MPPED1: variants seen among roughly 807,000 people sequenced by gnomAD.
MPPED1 encodes the protein metallophosphoesterase domain-containing protein 1.
In MPPED1, 16 loss-of-function variants were observed where a neutral mutation model predicts 36.2. The observed-to-expected ratio is 0.44, with a 90% confidence interval of 0.30 to 0.67. The LOEUF is 0.67. Among genes scored for constraint, MPPED1 ranks in the 30% least tolerant of loss-of-function variants. The pLI is 0.10. For synonymous variants in MPPED1, 199 were observed against 191.3 expected, an observed-to-expected ratio of 1.04 and a Z score of -0.33; for missense variants, 307 against 453.4, an observed-to-expected ratio of 0.68 and a Z score of 2.93.
At chr22:43,478,284 G>A (rs1931639939) in intron 4 of MPPED1, among the ~76,000 whole-genome samples, 1 of 152,216 alleles carries the variant, frequency 6.6e-6, no homozygotes, top group Non-Finnish European at 1.5e-5. Context: ...GGAGATTGAG[G>A]CCTGGGGATT....
chr22:43,417,038 G>T, intron 1 of MPPED1: 2 of 984,128 alleles, frequency 2.0e-6, no homozygotes, highest in Non-Finnish European at 2.4e-6. Flanking sequence ...TTCATATTCC[G>T]AAATAAAAGT....
chr22:43,448,909 T>C (rs1048369850), intron 3 of MPPED1, among the ~76,000 whole-genome samples: 1 of 152,142 alleles, frequency 6.6e-6, no homozygotes, highest in Admixed American at 6.5e-5. Context: ...TTTTTATTTG[T>C]TTTTAATAGC....
chr22:43,465,986 G>T (rs1931156609), intron 3 of MPPED1, among the ~76,000 whole-genome samples: 1 of 152,220 alleles, frequency 6.6e-6, no homozygotes, highest in Admixed American at 6.5e-5. Flanking sequence ...AGTCCTGCTA[G>T]CTACAGGCAG....
intron 3 of MPPED1, among the ~76,000 whole-genome samples, chr22:43,436,351 G>A (rs976445854): frequency 2.0e-5 from 3 of 152,206 alleles, no homozygotes; most frequent in African/African-American, 4.8e-5. Flanking sequence ...GGGGCGTCCC[G>A]CTGTGCAGTT....
chr22:43,465,141 C>A (rs1931120739), intron 3 of MPPED1, among the ~76,000 whole-genome samples: 1 of 152,234 alleles, frequency 6.6e-6, no homozygotes, highest in Non-Finnish European at 1.5e-5. Flanking sequence ...GCCTCACTAT[C>A]CCAGGTCGCA....
At chr22:43,448,090 TG>T (rs1324519376) in intron 3 of MPPED1, among the ~76,000 whole-genome samples, 4 of 152,078 alleles carry the variant, frequency 2.6e-5, no homozygotes, top group South Asian at 2.1e-4. Context: ...GGTTTCACCA[TG>T]TTGGTGAGGC....
At chr22:43,479,012 C>T (rs181911776) in intron 4 of MPPED1, among the ~76,000 whole-genome samples, 149 of 152,284 alleles carry the variant, frequency 9.8e-4, no homozygotes, top group African/African-American at 3.3e-3. Context: ...ACTGTATTCA[C>T]GGCTGAAGAA....
At chr22:43,422,997 C>T (rs990996402) in intron 1 of MPPED1, among the ~76,000 whole-genome samples, 6 of 152,036 alleles carry the variant, frequency 3.9e-5, no homozygotes, top group South Asian at 2.1e-4. Context: ...CCACAGTGCC[C>T]GGCTAATTTT....
intron 3 of MPPED1, among the ~76,000 whole-genome samples, chr22:43,461,585 C>T (rs1050671006): frequency 1.3e-5 from 2 of 152,174 alleles, no homozygotes; most frequent in Non-Finnish European, 2.9e-5. Context: ...TTGTTTATAG[C>T]AGCCACAAAG....
chr22:43,479,251 C>G (rs902489086), intron 4 of MPPED1, among the ~76,000 whole-genome samples: 1 of 152,240 alleles, frequency 6.6e-6, no homozygotes, highest in Non-Finnish European at 1.5e-5. Context: ...CTGCCCTCAA[C>G]ATATTGGCTA....
At chr22:43,428,397 G>T (rs1190807996) in intron 2 of MPPED1, among the ~76,000 whole-genome samples, 1 of 152,194 alleles carries the variant, frequency 6.6e-6, no homozygotes, top group Non-Finnish European at 1.5e-5. Context: ...GTAAAGCCAG[G>T]GTGGGCACAG....
chr22:43,469,495 A>C (rs1931292980), intron 3 of MPPED1, among the ~76,000 whole-genome samples: 1 of 152,366 alleles, frequency 6.6e-6, no homozygotes, highest in Admixed American at 6.5e-5. Context: ...CGATGGGAAC[A>C]CTGGAAAACT....
At chr22:43,503,951 C>T (rs1356773363) in intron 6 of MPPED1, among the ~76,000 whole-genome samples, 2 of 152,060 alleles carry the variant, frequency 1.3e-5, no homozygotes, top group Non-Finnish European at 2.9e-5. Context: ...TTGGAGATGA[C>T]CTGAGCTGAA....
intron 4 of MPPED1, among the ~76,000 whole-genome samples, chr22:43,481,199 G>A (rs1382585733): frequency 2.0e-5 from 3 of 152,154 alleles, no homozygotes; most frequent in Non-Finnish European, 4.4e-5. Flanking sequence ...GGAAATGATT[G>A]TGTTGATGGT....
At chr22:43,424,490 C>G (rs961552490) in intron 1 of MPPED1, among the ~76,000 whole-genome samples, 1 of 152,078 alleles carries the variant, frequency 6.6e-6, no homozygotes, top group Non-Finnish European at 1.5e-5. Flanking sequence ...GTAGGAGAAT[C>G]CTTCCTGTTC....
chr22:43,497,945 A>ATATATATATATATATG (rs1569090532), intron 4 of MPPED1, among the ~76,000 whole-genome samples: 2 of 97,052 alleles, frequency 2.1e-5, no homozygotes, highest in African/African-American at 6.9e-5. Flanking sequence ...GTATATATAT[A>ATATATATATATATATG]TATGTATTTA....
rs1931462650 is a variant in MPPED1 at position 43,474,008 on chromosome 22, T to C, written c.407-728T>C. 6.6e-6 allele frequency among the ~76,000 whole-genome samples: 1 copy of C among 152,216 alleles called. No individual in the cohort carries two copies. The highest frequency in any genetic ancestry group is 1.5e-5 in the Non-Finnish European group (1 of 68,040). ...CATTTTTGTTTTGATTCCATCTAGA[T>C]TTTGTTTTGGCTTTGAATTTCCATG... On this transcript the variant is annotated intron_variant, in intron 3 of 6. Transcript: ENST00000443721. This position sits in a 1 kb window ranked among gnomAD's most constrained non-coding sequence, Gnocchi z 5.2.
intron 3 of MPPED1, among the ~76,000 whole-genome samples, chr22:43,454,240 C>A (rs574116202): frequency 6.6e-6 from 1 of 152,008 alleles, no homozygotes; most frequent in South Asian, 2.1e-4. Context: ...AACTCCTGAC[C>A]TCAGGTGATC....
intron 4 of MPPED1, among the ~76,000 whole-genome samples, chr22:43,479,444 C>T (rs181448276): frequency 1.3e-5 from 2 of 152,294 alleles, no homozygotes; most frequent in Non-Finnish European, 2.9e-5. Flanking sequence ...AGGAGGTAGA[C>T]GGCAGAGCAG....
Sources: allele counts gnomAD v4.1 joint callset (sites outside exome capture counted in the v4.1 genomes callset), GRCh38; gene constraint gnomAD v4.1.1; non-coding constraint Gnocchi (gnomAD v3.1); transcripts MANE v1.5; gene names NCBI Gene and HGNC (gene_info 2026-07-23, HGNC 2026-07-21).